LSM1: variants seen among roughly 807,000 people sequenced by gnomAD.
LSM1 encodes U6 snRNA-associated Sm-like protein LSm1.
In LSM1, 13 loss-of-function variants were observed where a neutral mutation model predicts 18.0. The ratio of observed to expected loss-of-function variants is 0.72; its 90% CI spans 0.47 to 1.15. The LOEUF (loss-of-function observed/expected upper bound fraction) is 1.15. Among genes scored for constraint, LSM1 ranks in the 50% most tolerant of loss-of-function variants. LSM1 has a pLI of 0.00. For missense variants in LSM1, 152 were observed against 157.7 expected (o/e 0.96, Z 0.19); for synonymous variants, 46 against 56.0 (o/e 0.82, Z 0.80).
At chr8:38,174,691 T>G (rs1415686049) in intron 1 of LSM1, among the ~76,000 whole-genome samples, 1 of 152,144 alleles carries the variant, frequency 6.6e-6, no homozygotes, top group Non-Finnish European at 1.5e-5. Context: ...TACACTACAT[T>G]TCCCTTACAT....
At chr8:38,164,119 A>G (rs1802887264) in intron 3 of LSM1, among the ~76,000 whole-genome samples, 1 of 152,172 alleles carries the variant, frequency 6.6e-6, no homozygotes, top group Admixed American at 6.5e-5. Context: ...CAGTGGCGCA[A>G]TCTGAGCTCA....
chr8:38,166,443 A>G (rs1391278618), intron 3 of LSM1, among the ~76,000 whole-genome samples: 1 of 152,186 alleles, frequency 6.6e-6, no homozygotes, highest in African/African-American at 2.4e-5. Flanking sequence ...ATGCAGAAGA[A>G]CCTTGCTAAA....
intron 1 of LSM1, 144 bp from the exon 2 acceptor site, chr8:38,172,177 G>A (rs60177680): frequency 3.7e-4 from 183 of 496,550 alleles, no homozygotes; most frequent in Admixed American, 1.5e-3. Context: ...ACTGAAAAAA[G>A]CAGCACAGCA....
chr8:38,168,024 C>T (rs1802966517), intron 3 of LSM1, among the ~76,000 whole-genome samples: 1 of 151,482 alleles, frequency 6.6e-6, no homozygotes, highest in African/African-American at 2.4e-5. Context: ...TGCACTGGCA[C>T]GATCTCGACT....
intron 1 of LSM1, 90 bp downstream of exon 1, chr8:38,176,185 G>C (rs1056455371): frequency 7.3e-6 from 8 of 1,103,378 alleles, no homozygotes; most frequent in Non-Finnish European, 1.1e-5. Context: ...CCCCGCCCGG[G>C]ACTCATTCTA....
chr8:38,163,765 G>T lies in LSM1; in HGVS notation c.307C>A (p.Gln103Lys). The change falls in exon 4 of 4, where the codon CAG (glutamine) becomes AAG (lysine). Residue 103 changes from glutamine (Q) to lysine (K), a missense_variant. Gln to Lys is a moderately conservative substitution (Grantham distance 53). Coordinates refer to ENST00000311351, the MANE Select transcript of LSM1 (RefSeq NM_014462.3). The stretch of plus-strand genomic sequence containing the variant: ...TTCTCTGCTTCCAGCTTGGTCTGCT[G>T]TTCCACCCTTTGTTCTTCTAGAATT... ...EEILEEQRVE[Q>K]QTKLEAEKLK... 6.2e-7 allele frequency: 1 copy of T among 1,614,144 alleles called. No homozygotes were observed. The highest frequency in any genetic ancestry group is 1.6e-4 in the Middle Eastern group (1 of 6,062).
intron 1 of LSM1, among the ~76,000 whole-genome samples, chr8:38,172,317 CTTTT>C (rs1248737399): frequency 2.1e-5 from 3 of 140,988 alleles, no homozygotes; most frequent in East Asian, 4.5e-4. Flanking sequence ...TTTTTTTTTC[CTTTT>C]TTCTTTTTTT....
chr8:38,166,581 T>C (rs1297655481), intron 3 of LSM1, among the ~76,000 whole-genome samples: 1 of 152,238 alleles, frequency 6.6e-6, no homozygotes, highest in African/African-American at 2.4e-5. Context: ...TCTATGACTT[T>C]CAATGATAAA....
chr8:38,176,721 C>T, upstream of LSM1: 2 of 1,065,446 alleles, frequency 1.9e-6, no homozygotes, highest in Non-Finnish European at 2.5e-6. Flanking sequence ...TTTCGGGGTT[C>T]GGCAGCAGAA....
Position 38,169,865 on chromosome 8 carries a change from GT to G in LSM1, c.167del (p.Tyr56SerfsTer19), listed in dbSNP as rs1317889260. On this transcript the variant is annotated frameshift_variant, in exon 3 of 4. Coordinates refer to ENST00000311351, the MANE Select transcript of LSM1 (RefSeq NM_014462.3). LOFTEE classifies it high-confidence loss of function. ...CAAAAATCCCTCGAGGAATATCACC[GT>G]ATTTTTTGCCCACATGAATACGCTC... ...TVERIHVGKKYGDIPRGIFVV... is the reference protein window; with the variant it reads ...TVERIHVGKKXGDIPRGIFVV... The G allele has an allele frequency of 1.2e-6, 2 of 1,613,734 alleles. No individual in the cohort carries two copies. Among genetic ancestry groups the G allele is most frequent in the East Asian group, 4.5e-5 (2 of 44,850 alleles).
chr8:38,166,911 T>C (rs558130227), intron 3 of LSM1, among the ~76,000 whole-genome samples: 22 of 152,356 alleles, frequency 1.4e-4, no homozygotes, highest in African/African-American at 5.0e-4. Flanking sequence ...TTCATGCTGC[T>C]GTTGCTGCTT....
Position 38,163,915 on chromosome 8 carries a change from T to C in LSM1, c.232-75A>G. The C allele has an allele frequency of 4.0e-6, 5 of 1,251,002 alleles. No individual in the cohort carries two copies. The South Asian group carries it at 4.9e-5, about 12-fold the overall frequency. The allele number at this position is 1,251,002 out of a possible 1,614,324, so 77.5% of individuals were successfully genotyped here. On this transcript the variant is annotated intron_variant, in intron 3 of 3. Transcript: ENST00000311351. ...AGCACAGATCTCAAGGCAAATGGAT[T>C]CCTCTATCAGGCTCAGATTATTTTT...
chr8:38,176,224 G>A (rs1000449486), intron 1 of LSM1, 51 bp downstream of exon 1: 24 of 1,549,488 alleles, frequency 1.5e-5, no homozygotes, highest in Non-Finnish European at 2.1e-5. Context: ...GCGCCCGCCC[G>A]GGAGGAAGGG....
chr8:38,173,589 G>A (rs148084386), intron 1 of LSM1, among the ~76,000 whole-genome samples: 63 of 152,316 alleles, frequency 4.1e-4, no homozygotes, highest in African/African-American at 1.5e-3. Flanking sequence ...GGGTATGTGT[G>A]AGAGGGTGGG....
At chr8:38,166,704 T>C (rs1802937266) in intron 3 of LSM1, among the ~76,000 whole-genome samples, 1 of 152,168 alleles carries the variant, frequency 6.6e-6, no homozygotes, top group Non-Finnish European at 1.5e-5. Flanking sequence ...CAGAGAGGAC[T>C]CTCACCACAG....
chr8:38,168,837 T>TA (rs1386105447), intron 3 of LSM1, among the ~76,000 whole-genome samples: 1 of 152,076 alleles, frequency 6.6e-6, no homozygotes, highest in Non-Finnish European at 1.5e-5. Context: ...TAGTCTGGAT[T>TA]AGTCATTTCT....
At chr8:38,166,120 T>G (rs1802925191) in intron 3 of LSM1, 1 of 152,300 alleles carries the variant, frequency 6.6e-6, no homozygotes, top group Non-Finnish European at 1.5e-5. Context: ...TGTGAGCACA[T>G]TTTTCATTTT....
intron 3 of LSM1, among the ~76,000 whole-genome samples, chr8:38,165,294 A>G (rs2130637786): frequency 6.6e-6 from 1 of 152,294 alleles, no homozygotes; most frequent in South Asian, 2.1e-4. Flanking sequence ...CGGAGGTTGC[A>G]GTGAGCGGAG....
chr8:38,172,102 AAC>A, intron 1 of LSM1, 69 bp from the exon 2 acceptor site: 2 of 1,114,792 alleles, frequency 1.8e-6, no homozygotes, highest in Non-Finnish European at 1.4e-6. Context: ...GATAATAATT[AAC>A]AGTTTAAGCT....
Sources: gnomAD v4.1 joint callset for allele counts (sites outside exome capture counted in the v4.1 genomes callset) on GRCh38, gnomAD v4.1.1 for gene constraint, MANE v1.5 for transcripts, NCBI Gene and HGNC (gene_info 2026-07-23, HGNC 2026-07-21) for gene names.